Variants in SLC16A7 observed in about 807,000 individuals in gnomAD.
SLC16A7 encodes the protein monocarboxylate transporter 2.
A neutral mutation model predicts 34.9 loss-of-function variants in SLC16A7; 33 were observed. The ratio of observed to expected loss-of-function variants is 0.94; its 90% CI spans 0.72 to 1.26. SLC16A7 has a LOEUF of 1.26. Among genes scored for constraint, SLC16A7 ranks in the 50% most tolerant of loss-of-function variants. The pLI is 0.00. For synonymous variants in SLC16A7, 201 were observed against 206.6 expected, an observed-to-expected ratio of 0.97 and a Z score of 0.23; for missense variants, 573 against 578.1, an observed-to-expected ratio of 0.99 and a Z score of 0.09.
intron 2 of SLC16A7, among the ~76,000 whole-genome samples, chr12:59,664,266 C>A (rs1010460782): frequency 2.0e-5 from 3 of 152,076 alleles, no homozygotes; most frequent in African/African-American, 7.2e-5. Flanking sequence ...TACACCACTG[C>A]ATTTTTCCAA....
At chr12:59,760,354 A>T (rs1054994475) in intron 3 of SLC16A7, among the ~76,000 whole-genome samples, 4 of 152,058 alleles carry the variant, frequency 2.6e-5, no homozygotes, top group Non-Finnish European at 5.9e-5. Flanking sequence ...GTGACCTATA[A>T]AAGTGCAGGG....
chr12:59,700,859 A>C, intron 2 of SLC16A7, among the ~76,000 whole-genome samples: 1 of 151,718 alleles, frequency 6.6e-6, no homozygotes, highest in East Asian at 1.9e-4. Flanking sequence ...TTCAGCCCCA[A>C]CTATGACTTA....
At chr12:59,738,871 G>A (rs953933424) in intron 3 of SLC16A7, among the ~76,000 whole-genome samples, 2 of 150,230 alleles carry the variant, frequency 1.3e-5, no homozygotes, top group Non-Finnish European at 1.5e-5. Context: ...AGGTCTTCAT[G>A]TTTATAAACT....
At chr12:59,748,074 G>C (rs941353214) in intron 3 of SLC16A7, among the ~76,000 whole-genome samples, 3 of 152,050 alleles carry the variant, frequency 2.0e-5, no homozygotes, top group Admixed American at 2.0e-4. Context: ...ATGGTGGTGG[G>C]TGCCTGTAAT....
In SLC16A7 at chr12:59,771,287, T is replaced by G; in HGVS notation, c.286T>G (p.Cys96Gly). 1 of 1,613,576 alleles carries G rather than the reference T, an allele frequency of 6.2e-7. No homozygotes were observed. ...GGTGGTGATAGCAGGAGGCTTATTA[T>G]GCTGTCTTGGAATGGTGTTGGCCTC... ...RPVVIAGGLL[C>G]CLGMVLASFS... The change falls in exon 4 of 6, where the codon TGC (cysteine) becomes GGC (glycine). Residue 96 changes from cysteine (C) to glycine (G), a missense_variant. Physicochemically the swap from Cys to Gly is radical, Grantham distance 159. Coordinates refer to ENST00000547379, the MANE Select transcript of SLC16A7 (RefSeq NM_001270623.2).
At chr12:59,626,086 A>G (rs140890467) in intron 1 of SLC16A7, among the ~76,000 whole-genome samples, 12 of 151,980 alleles carry the variant, frequency 7.9e-5, no homozygotes, top group African/African-American at 2.9e-4. Context: ...CATAAAGGCA[A>G]AAAAGAATAT....
intron 3 of SLC16A7, among the ~76,000 whole-genome samples, chr12:59,726,909 A>T (rs553433638): frequency 1.1e-4 from 16 of 152,234 alleles, no homozygotes; most frequent in Admixed American, 5.9e-4. Flanking sequence ...TGATCAATAC[A>T]TAATAGATCA....
At chr12:59,614,978 G>A (rs1879379175) in intron 1 of SLC16A7, among the ~76,000 whole-genome samples, 1 of 151,412 alleles carries the variant, frequency 6.6e-6, no homozygotes, top group Non-Finnish European at 1.5e-5. Flanking sequence ...ACTCCAGCCT[G>A]GTCGACAGAG....
At chr12:59,661,831 C>T (rs570569531) in intron 2 of SLC16A7, among the ~76,000 whole-genome samples, 69 of 152,140 alleles carry the variant, frequency 4.5e-4, no homozygotes, top group African/African-American at 1.6e-3. Flanking sequence ...TTCTCTTATG[C>T]TTATCAAGGT....
intron 1 of SLC16A7, among the ~76,000 whole-genome samples, chr12:59,612,434 C>A (rs1053483912): frequency 6.6e-6 from 1 of 152,126 alleles, no homozygotes; most frequent in Non-Finnish European, 1.5e-5. Context: ...GACCACAGAA[C>A]CATTTTTCCC....
chr12:59,766,214 C>G (rs938842944), intron 3 of SLC16A7, among the ~76,000 whole-genome samples: 12 of 152,262 alleles, frequency 7.9e-5, no homozygotes, highest in African/African-American at 2.9e-4. Context: ...TGCTTATCAG[C>G]TTAAGGAGAT....
intron 1 of SLC16A7, among the ~76,000 whole-genome samples, chr12:59,626,888 A>C (rs1189210117): frequency 6.6e-6 from 1 of 151,854 alleles, no homozygotes; most frequent in East Asian, 1.9e-4. Flanking sequence ...TTTCAACAGA[A>C]TATATTGCAT....
chr12:59,691,725 G>C (rs1222289521), intron 2 of SLC16A7, among the ~76,000 whole-genome samples: 2 of 151,908 alleles, frequency 1.3e-5, no homozygotes, highest in Non-Finnish European at 2.9e-5. Context: ...AGCTGTATAA[G>C]TGCATGTAAA....
intron 1 of SLC16A7, among the ~76,000 whole-genome samples, chr12:59,633,946 C>G (rs949224607): frequency 1.3e-5 from 2 of 152,080 alleles, no homozygotes; most frequent in African/African-American, 4.8e-5. Context: ...CAGAGCCAAA[C>G]CATATCACTC....
intron 1 of SLC16A7, among the ~76,000 whole-genome samples, chr12:59,638,073 G>T (rs1273684918): frequency 6.6e-6 from 1 of 152,040 alleles, no homozygotes; most frequent in African/African-American, 2.4e-5. Flanking sequence ...AGTACAAAAT[G>T]AGCTAAGATT....
In SLC16A7 at chr12:59,771,374, A is replaced by C; in HGVS notation, c.361+12A>C. 1 of 1,560,768 alleles carries C rather than the reference A, an allele frequency of 6.4e-7. No individual in the cohort carries two copies. The highest frequency in any genetic ancestry group is 8.7e-7 in the Non-Finnish European group (1 of 1,151,872). On this transcript the variant is annotated intron_variant, in intron 4 of 5. Coordinates refer to ENST00000547379, the MANE Select transcript of SLC16A7 (RefSeq NM_001270623.2). ...GGGATTCATTACAGGTAAGCCATTT[A>C]GTCTTCAGCTTATTCTTAACTCTTC...
chr12:59,734,063 G>A, intron 3 of SLC16A7: 1 of 274,368 alleles, frequency 3.6e-6, no homozygotes. Context: ...ACCCAGAACT[G>A]ACAGTCTGAC....
intron 1 of SLC16A7, among the ~76,000 whole-genome samples, chr12:59,630,549 C>T (rs764921987): frequency 6.6e-6 from 1 of 151,808 alleles, no homozygotes; most frequent in Non-Finnish European, 1.5e-5. Context: ...TCAGAGTGCT[C>T]AAAACAAGTC....
intron 2 of SLC16A7, among the ~76,000 whole-genome samples, chr12:59,666,995 G>A (rs565762706): frequency 2.0e-5 from 3 of 152,250 alleles, no homozygotes; most frequent in African/African-American, 4.8e-5. Flanking sequence ...ATAGTTCCAC[G>A]TGGCTGGGGA....
Sources: gnomAD v4.1 joint callset for allele counts (sites outside exome capture counted in the v4.1 genomes callset) on GRCh38, gnomAD v4.1.1 for gene constraint, MANE v1.5 for transcripts, NCBI Gene and HGNC (gene_info 2026-07-23, HGNC 2026-07-21) for gene names.